ADAMTSL1: variants seen among roughly 807,000 people sequenced by gnomAD.
ADAMTSL1 encodes the protein ADAMTS like 1, also known as ADAMTS-like protein 1.
ADAMTSL1 carries 126 observed loss-of-function variants against 201.8 expected under a neutral mutation model. The ratio of observed to expected loss-of-function variants is 0.62; its 90% CI spans 0.54 to 0.72. ADAMTSL1 has a LOEUF of 0.72. Among genes scored for constraint, ADAMTSL1 ranks in the 30% least tolerant of loss-of-function variants. The probability of loss-of-function intolerance (pLI) is 0.00; values close to 1 mark genes in which losing one functional copy is unlikely to be tolerated. For missense variants in ADAMTSL1, 2,679 were observed against 2,277.8 expected (o/e 1.18, Z -3.59); for synonymous variants, 1,121 against 903.4 (o/e 1.24, Z -4.32).
At chr9:18,590,865 GT>G (rs1156563786) in intron 4 of ADAMTSL1, among the ~76,000 whole-genome samples, 1 of 151,994 alleles carries the variant, frequency 6.6e-6, no homozygotes, top group Non-Finnish European at 1.5e-5. Context: ...TTGATTTCTA[GT>G]TTTATTTCAT....
At chr9:18,883,705 A>G (rs928972550) in intron 23 of ADAMTSL1, among the ~76,000 whole-genome samples, 4 of 152,180 alleles carry the variant, frequency 2.6e-5, no homozygotes, top group South Asian at 2.1e-4. Context: ...TTCATTTAGC[A>G]TAATGTTTTC....
At chr9:18,556,370 C>T (rs984362719) in intron 3 of ADAMTSL1, among the ~76,000 whole-genome samples, 3 of 151,898 alleles carry the variant, frequency 2.0e-5, no homozygotes, top group Admixed American at 6.6e-5. Context: ...CATATGTGGT[C>T]AATAGTTATT....
At chr9:18,297,882 C>T (rs977871231) in intron 2 of ADAMTSL1, among the ~76,000 whole-genome samples, 2 of 152,214 alleles carry the variant, frequency 1.3e-5, no homozygotes, top group South Asian at 2.1e-4. Context: ...CAAAAGTCTT[C>T]TGAGGGTCAT....
chr9:18,087,754 C>T (rs1163897550), intron 1 of ADAMTSL1, among the ~76,000 whole-genome samples: 1 of 152,072 alleles, frequency 6.6e-6, no homozygotes, highest in African/African-American at 2.4e-5. Context: ...GAAAATGTCT[C>T]TTTTAAGTAG....
At chr9:18,399,151 C>T (rs1431248343) in intron 2 of ADAMTSL1, among the ~76,000 whole-genome samples, 6 of 151,264 alleles carry the variant, frequency 4.0e-5, no homozygotes, top group Non-Finnish European at 8.8e-5. Flanking sequence ...TGTTCACTGC[C>T]AAGTGTCAGA....
intron 1 of ADAMTSL1, among the ~76,000 whole-genome samples, chr9:18,030,415 G>T (rs113228489): frequency 6.6e-6 from 1 of 152,156 alleles, no homozygotes; most frequent in African/African-American, 2.4e-5. Flanking sequence ...GGGGAGTGGG[G>T]AGGGATAGCA....
chr9:18,285,453 T>C (rs767304054), intron 2 of ADAMTSL1, among the ~76,000 whole-genome samples: 1 of 152,148 alleles, frequency 6.6e-6, no homozygotes, highest in Non-Finnish European at 1.5e-5. Context: ...TCTATAGTGA[T>C]CTGACATTAA....
chr9:18,345,136 A>T (rs1002284865), intron 2 of ADAMTSL1, among the ~76,000 whole-genome samples: 1 of 152,112 alleles, frequency 6.6e-6, no homozygotes, highest in East Asian at 1.9e-4. Flanking sequence ...TCCCTACAGG[A>T]TCTAAGTGTC....
intron 1 of ADAMTSL1, among the ~76,000 whole-genome samples, chr9:17,946,123 T>C (rs1827464518): frequency 6.7e-6 from 1 of 149,820 alleles, no homozygotes; most frequent in Admixed American, 6.7e-5. Context: ...CAAACAGAAT[T>C]GAATGAAATA....
chr9:18,006,545 T>A (rs563036107), intron 1 of ADAMTSL1, among the ~76,000 whole-genome samples: 12 of 151,974 alleles, frequency 7.9e-5, no homozygotes, highest in Non-Finnish European at 1.8e-4. Context: ...GATAAATTGA[T>A]GAATAAAATA....
intron 1 of ADAMTSL1, among the ~76,000 whole-genome samples, chr9:17,971,116 C>T (rs1343403312): frequency 6.6e-6 from 1 of 151,984 alleles, no homozygotes; most frequent in Admixed American, 6.6e-5. Flanking sequence ...GGCCTTAATG[C>T]TGTTTGTTTT....
rs1326195342 is a variant in ADAMTSL1, at chr9:18,108,535, T to G, written c.88-55327T>G. Among the ~76,000 whole-genome samples, 39 of 152,102 alleles carry G rather than the reference T, an allele frequency of 2.6e-4. 1 individual carries two copies. ...ATCTTAAAGGCTCTTGGAAGCCAGA[T>G]CACAGAGAAGGTTAAAATACAAAAT... On this transcript the variant is annotated intron_variant, in intron 1 of 29. Coordinates refer to the ADAMTSL1 transcript ENST00000680146.
intron 27 of ADAMTSL1, 69 bp from the exon 28 acceptor site, chr9:18,906,623 T>C (rs1030787166): frequency 7.7e-7 from 1 of 1,302,978 alleles, no homozygotes; most frequent in Admixed American, 2.8e-5. Context: ...TTTGCAGCAC[T>C]ATTTTCACAT....
chr9:18,743,702 G>T (rs141571577), intron 15 of ADAMTSL1, among the ~76,000 whole-genome samples: 1 of 152,240 alleles, frequency 6.6e-6, no homozygotes, highest in East Asian at 1.9e-4. Flanking sequence ...TTGATAGACA[G>T]CCCCCGATTC....
intron 2 of ADAMTSL1, among the ~76,000 whole-genome samples, chr9:18,178,076 G>A (rs55854422): frequency 0.024 from 3,678 of 152,298 alleles, 163 homozygotes; most frequent in African/African-American, 0.083. Flanking sequence ...CATGAGCGAC[G>A]CAGAAGAAGG....
intron 4 of ADAMTSL1, among the ~76,000 whole-genome samples, chr9:18,619,250 T>A (rs1256988561): frequency 1.3e-5 from 2 of 152,192 alleles, no homozygotes; most frequent in Non-Finnish European, 2.9e-5. Flanking sequence ...ATCAACAGAT[T>A]AAGATATGTC....
rs572893604 is a variant in ADAMTSL1, at chr9:18,229,551, G to A, written c.207+65570G>A. ...TCTGTCAGAGGAGATTTTAAAATAC[G>A]AGCTCAGTGACTTTTTGGCAGGTAT... On this transcript the variant is annotated intron_variant, in intron 2 of 29. Coordinates refer to the ADAMTSL1 transcript ENST00000680146. Among the ~76,000 whole-genome samples, 36 of 152,028 alleles carry A rather than the reference G, an allele frequency of 2.4e-4. No individual in the cohort carries two copies. The South Asian group carries it at 5.8e-3, about 25-fold the overall frequency.
At chr9:17,912,084 A>T (rs12335871) in intron 1 of ADAMTSL1, among the ~76,000 whole-genome samples, 10,492 of 49,818 alleles carry the variant, frequency 0.21, 3,365 homozygotes, top group African/African-American at 0.25. Context: ...CCAGTCTATC[A>T]TTGTTGGACA....
intron 13 of ADAMTSL1, among the ~76,000 whole-genome samples, chr9:18,703,230 G>C (rs1192217008): frequency 2.0e-5 from 3 of 152,004 alleles, no homozygotes; most frequent in Non-Finnish European, 4.4e-5. Context: ...CTAAACATTA[G>C]AATTAAACCT....
Sources: allele counts gnomAD v4.1 joint callset (sites outside exome capture counted in the v4.1 genomes callset), GRCh38; gene constraint gnomAD v4.1.1; transcripts MANE v1.5; gene names NCBI Gene and HGNC (gene_info 2026-07-23, HGNC 2026-07-21).